Variants in LRRC8C observed in about 807,000 individuals in gnomAD.
LRRC8C encodes the protein leucine rich repeat containing 8 VRAC subunit C, also known as volume-regulated anion channel subunit LRRC8C.
Under a neutral mutation model 55.3 loss-of-function variants are expected in LRRC8C, and 20 were observed. That is an observed-to-expected ratio of 0.36 (90% CI 0.25 to 0.53). The LOEUF (loss-of-function observed/expected upper bound fraction) is 0.53, where lower values mean the gene tolerates loss of function less well. LRRC8C is among the 20% of genes least tolerant of loss of function. The pLI, the probability that LRRC8C is intolerant of heterozygous loss-of-function variation, is 0.92. For synonymous variants in LRRC8C, 376 were observed against 360.7 expected (o/e 1.04, Z -0.48); for missense variants, 659 against 951.4 (o/e 0.69, Z 4.04).
At chr1:89,688,082 C>A (rs905477541) in intron 2 of LRRC8C, among the ~76,000 whole-genome samples, 2 of 152,150 alleles carry the variant, frequency 1.3e-5, no homozygotes, top group Non-Finnish European at 2.9e-5. Flanking sequence ...ACGATCCTCC[C>A]AAGGTGAGTA....
At chr1:89,686,428 C>A (rs766214229) in intron 1 of LRRC8C, 42 bp from the exon 2 acceptor site, 1 of 1,607,592 alleles carries the variant, frequency 6.2e-7, no homozygotes, top group South Asian at 1.1e-5. Context: ...GTATGTTGTA[C>A]TGGAAGATAA....
chr1:89,680,635 G>A lies in LRRC8C; in HGVS notation c.-4-5835G>A, dbSNP rs184250198. Among the ~76,000 whole-genome samples, 394 of 141,284 alleles carry A rather than the reference G, an allele frequency of 2.8e-3. 1 individual carries two copies. Among genetic ancestry groups the A allele is most frequent in the African/African-American group, 9.0e-3 (339 of 37,844 alleles). 92.7% of individuals were successfully genotyped at this position (141,284 alleles called of 152,430 possible). A position where few individuals can be genotyped will look rare whatever the true frequency, so the allele number is the denominator to read the frequency against. ...GAGTGCAGTAGTATGATCCCAGCTCGCTGCAACCTCTGACTCCCGGGTTCA... is the reference window on the plus strand; with the variant it reads ...GAGTGCAGTAGTATGATCCCAGCTCACTGCAACCTCTGACTCCCGGGTTCA... On this transcript the variant is annotated intron_variant, in intron 1 of 2. Transcript: ENST00000370454.
At chr1:89,668,571 G>A (rs1657332018) in intron 1 of LRRC8C, among the ~76,000 whole-genome samples, 1 of 152,114 alleles carries the variant, frequency 6.6e-6, no homozygotes, top group Non-Finnish European at 1.5e-5. Flanking sequence ...AGGTCCTTTT[G>A]CCAATGGATA....
intron 2 of LRRC8C, among the ~76,000 whole-genome samples, chr1:89,689,317 G>A (rs1437518257): frequency 6.6e-6 from 1 of 152,204 alleles, no homozygotes; most frequent in Non-Finnish European, 1.5e-5. Flanking sequence ...AGTAAAAGGT[G>A]AGGCCCGAGA....
At chr1:89,627,660 A>G in the LRRC8C span, among the ~76,000 whole-genome samples, 1 of 152,242 alleles carries the variant, frequency 6.6e-6, no homozygotes, top group Non-Finnish European at 1.5e-5. Flanking sequence ...GTGAGTAAGC[A>G]TGAGAACCCT....
chr1:89,640,000 A>T (rs1160100479), intron 1 of LRRC8C, among the ~76,000 whole-genome samples: 2 of 152,238 alleles, frequency 1.3e-5, no homozygotes, highest in Non-Finnish European at 2.9e-5. Flanking sequence ...ATCAAAGTAA[A>T]TCCTAGGTAA....
chr1:89,680,203 G>A (rs1003859897), intron 1 of LRRC8C, among the ~76,000 whole-genome samples: 2 of 151,390 alleles, frequency 1.3e-5, no homozygotes, highest in Non-Finnish European at 1.5e-5. Context: ...TCAGCCTCCC[G>A]AGTAGCTGGG....
chr1:89,636,291 TTATG>T (rs1289802474), intron 1 of LRRC8C, among the ~76,000 whole-genome samples: 1 of 152,186 alleles, frequency 6.6e-6, no homozygotes. Flanking sequence ...GTATTTCACT[TTATG>T]TATATTTTAC....
chr1:89,672,214 A>G (rs537325199), intron 1 of LRRC8C, among the ~76,000 whole-genome samples: 2 of 152,204 alleles, frequency 1.3e-5, no homozygotes, highest in Non-Finnish European at 2.9e-5. Context: ...TACTACTTAT[A>G]CTATACTTCA....
At chr1:89,635,286 CATT>C (rs1656248362) in intron 1 of LRRC8C, among the ~76,000 whole-genome samples, 2 of 152,090 alleles carry the variant, frequency 1.3e-5, no homozygotes, top group Non-Finnish European at 2.9e-5. Context: ...TCACCTATGA[CATT>C]ATAATAGAGC....
intron 2 of LRRC8C, among the ~76,000 whole-genome samples, chr1:89,695,066 C>T (rs1222290173): frequency 1.3e-5 from 2 of 151,340 alleles, no homozygotes; most frequent in African/African-American, 2.4e-5. Context: ...GGACTACAGA[C>T]GTGAGCCACC....
At chr1:89,664,190 G>C (rs965072864) in intron 1 of LRRC8C, among the ~76,000 whole-genome samples, 1 of 152,032 alleles carries the variant, frequency 6.6e-6, no homozygotes, top group African/African-American at 2.4e-5. Context: ...CATTGCTTTT[G>C]GTGTTTTAGT....
intron 2 of LRRC8C, chr1:89,706,282 T>C (rs1658481198): frequency 2.2e-6 from 1 of 456,058 alleles, no homozygotes; most frequent in South Asian, 1.5e-5. Flanking sequence ...CCTTCGTTTA[T>C]ATGTTCTTTG....
At position 89,717,324 on chromosome 1, in the gene LRRC8C, T is replaced by G. The variant is rs935246506; in HGVS notation, c.*2342T>G. On this transcript the variant is annotated 3_prime_UTR_variant, in exon 3 of 3. Transcript: ENST00000370454. Reference sequence around the variant, plus strand: ...AAAAGGGATCTCTTCAGGTTAAAAATCACGCTTATGCTGAAGTCTTTATCT... The same window carrying G: ...AAAAGGGATCTCTTCAGGTTAAAAAGCACGCTTATGCTGAAGTCTTTATCT... 1 of 152,192 alleles carries G rather than the reference T, an allele frequency of 6.6e-6. No individual in the cohort carries two copies. Among genetic ancestry groups the G allele is most frequent in the African/African-American group, 2.4e-5 (1 of 41,454 alleles). 9.4% of individuals were successfully genotyped at this position (152,192 alleles called of 1,614,324 possible).
chr1:89,658,009 T>G (rs953469104), intron 1 of LRRC8C, among the ~76,000 whole-genome samples: 17 of 152,152 alleles, frequency 1.1e-4, no homozygotes, highest in African/African-American at 4.1e-4. Flanking sequence ...TATGATTTGT[T>G]TTTTTATTGA....
At chr1:89,697,482 T>TC (rs1277473911) in intron 2 of LRRC8C, among the ~76,000 whole-genome samples, 2 of 152,230 alleles carry the variant, frequency 1.3e-5, no homozygotes, top group Admixed American at 1.3e-4. Flanking sequence ...GAGGTTTCAG[T>TC]CCCTGGGCAT....
chr1:89,624,637 GCTTAT>G, the LRRC8C span, among the ~76,000 whole-genome samples: 1 of 152,168 alleles, frequency 6.6e-6, no homozygotes, highest in Admixed American at 6.5e-5. Context: ...TACCAAGAGG[GCTTAT>G]CTTGACAGAT....
rs553442751 is a variant in LRRC8C at position 89,714,111 on chromosome 1, G to A, written c.1541G>A (p.Arg514Gln). Residue 514 changes from arginine (R) to glutamine (Q), a missense_variant, in exon 3 of 3, where the codon CGA (arginine) becomes CAA (glutamine). Around this residue, in one of 5 missense-constraint regions of LRRC8C, gnomAD observed 344 missense variants for 464.6 expected, o/e 0.74. Coordinates refer to ENST00000370454, the MANE Select transcript of LRRC8C (RefSeq NM_032270.5). The surrounding 1 kb of genome is among the most constrained non-coding windows in gnomAD (Gnocchi z 4.6). Reference sequence around the variant, plus strand: ...CTCCCCCCCTGGATGTATGGGCTCCGAAATCTGGAAGAGCTGTACCTAGTT... The same window carrying A: ...CTCCCCCCCTGGATGTATGGGCTCCAAAATCTGGAAGAGCTGTACCTAGTT... ...RELPPWMYGL[R>Q]NLEELYLVGS... 6.3e-5 allele frequency: 101 copies of A among 1,614,064 alleles called. No homozygotes were observed. Among genetic ancestry groups the A allele is most frequent in the Non-Finnish European group, 7.9e-5 (93 of 1,180,000 alleles).
At chr1:89,687,697 A>G (rs1353951696) in intron 2 of LRRC8C, among the ~76,000 whole-genome samples, 3 of 152,220 alleles carry the variant, frequency 2.0e-5, no homozygotes, top group African/African-American at 4.8e-5. Flanking sequence ...ATGGCAGCCA[A>G]CACAACTAAC....
Sources: allele counts gnomAD v4.1 joint callset (sites outside exome capture counted in the v4.1 genomes callset), GRCh38; gene constraint gnomAD v4.1.1; regional missense constraint gnomAD v4.1.1; non-coding constraint Gnocchi (gnomAD v3.1); transcripts MANE v1.5; gene names NCBI Gene and HGNC (gene_info 2026-07-23, HGNC 2026-07-21).